Variants in OLAH observed in about 807,000 individuals in gnomAD.
The protein encoded by OLAH is S-acyl fatty acid synthase thioesterase, medium chain.
Under a neutral mutation model 27.8 loss-of-function variants are expected in OLAH, and 33 were observed. That is an observed-to-expected ratio of 1.19 (90% confidence interval 0.90 to 1.59). OLAH has a LOEUF of 1.59. Ranked by LOEUF, OLAH falls within the 40% of genes most tolerant of loss-of-function variation. OLAH has a pLI of 0.00. For missense variants in OLAH, 359 were observed against 310.8 expected, an observed-to-expected ratio of 1.16 and a Z score of -1.17; for synonymous variants, 120 against 102.9, an observed-to-expected ratio of 1.17 and a Z score of -1.01.
At chr10:15,039,912 T>G (rs976681705), upstream of OLAH, among the ~76,000 whole-genome samples, 2 of 152,190 alleles carry the variant, frequency 1.3e-5, no homozygotes, top group Non-Finnish European at 1.5e-5. Context: ...GTAGGTACCC[T>G]TTCTGCCATC....
intron 6 of OLAH, among the ~76,000 whole-genome samples, chr10:15,069,546 G>A (rs774100591): frequency 3.9e-5 from 6 of 152,052 alleles, no homozygotes; most frequent in Non-Finnish European, 7.4e-5. Context: ...AATTGTTCTC[G>A]TCAACCCCTA....
intron 1 of OLAH, among the ~76,000 whole-genome samples, chr10:15,045,523 G>A (rs547297648): frequency 1.3e-5 from 2 of 152,220 alleles, no homozygotes; most frequent in African/African-American, 4.8e-5. Flanking sequence ...AGTTGATGGT[G>A]GCTCTGGCCC....
intron 7 of OLAH, among the ~76,000 whole-genome samples, chr10:15,072,249 T>A (rs536342777): frequency 6.2e-4 from 94 of 152,300 alleles, no homozygotes; most frequent in African/African-American, 2.1e-3. Context: ...AAAATTTTTT[T>A]TTTTAATTTT....
At chr10:15,046,598 G>C (rs2131340286) in intron 1 of OLAH, among the ~76,000 whole-genome samples, 1 of 152,086 alleles carries the variant, frequency 6.6e-6, no homozygotes, top group East Asian at 1.9e-4. Flanking sequence ...CTCCCAACTA[G>C]CTGGGATTAC....
chr10:15,037,387 C>A (rs145112652), intron 1 of OLAH, among the ~76,000 whole-genome samples: 4,502 of 152,096 alleles, frequency 0.03, 86 homozygotes, highest in African/African-American at 0.042. Flanking sequence ...TTGAGACCAG[C>A]CTGGCCAACA....
In OLAH at chr10:15,073,212, T is replaced by C. The variant is rs1489253120; in HGVS notation, c.781T>C (p.Ser261Pro). The change falls in exon 8 of 8, where the codon TCG (serine) becomes CCG (proline). Residue 261 changes from serine (S) to proline (P), a missense_variant. Physicochemically the swap from Ser to Pro is moderately conservative, Grantham distance 74 (BLOSUM62 -1). Transcript: ENST00000378228. ...CATAATCAAGTGTCTAGAAGTATCA[T>C]CGATATCCAATTTTTAGATATTTTC... is the stretch of plus-strand genomic sequence containing the variant. ...NYIIKCLEVSSISNF is the reference protein window; with the variant it reads ...NYIIKCLEVSPISNF The C allele has an allele frequency of 6.3e-7, 1 of 1,587,712 alleles. No individual in the cohort carries two copies. The highest frequency in any genetic ancestry group is 1.8e-5 in the Admixed American group (1 of 56,216).
intron 6 of OLAH, among the ~76,000 whole-genome samples, chr10:15,069,340 T>C (rs1844534398): frequency 1.3e-5 from 2 of 152,184 alleles, no homozygotes; most frequent in African/African-American, 2.4e-5. Flanking sequence ...CTTATGCTTT[T>C]ATCCTCCCTG....
intron 7 of OLAH, 59 bp downstream of exon 7, chr10:15,071,936 T>A (rs556270673): frequency 4.0e-5 from 34 of 850,430 alleles, no homozygotes; most frequent in Middle Eastern, 5.8e-4. Context: ...GGCTTTAAAA[T>A]TTTTTTTTTT....
At chr10:15,071,056 T>TTATG (rs1201982351) in intron 6 of OLAH, among the ~76,000 whole-genome samples, 1 of 152,166 alleles carries the variant, frequency 6.6e-6, no homozygotes, top group Non-Finnish European at 1.5e-5. Context: ...AGTGCTGGTA[T>TTATG]TATGGTGTGA....
chr10:15,037,558 G>A (rs1404694413), intron 1 of OLAH, among the ~76,000 whole-genome samples: 2 of 150,398 alleles, frequency 1.3e-5, no homozygotes, highest in Middle Eastern at 3.5e-3. Context: ...GCCAGGCTGG[G>A]TGACAGAGCG....
chr10:15,062,043 T>A (rs1310463425), intron 4 of OLAH, 181 bp downstream of exon 4: 3 of 524,656 alleles, frequency 5.7e-6, no homozygotes, highest in Non-Finnish European at 9.6e-6. Context: ...ATACCTATTT[T>A]TTTTCCTTTT....
upstream of OLAH, among the ~76,000 whole-genome samples, chr10:15,041,140 C>G (rs1023616952): frequency 3.3e-5 from 5 of 152,352 alleles, no homozygotes; most frequent in African/African-American, 1.2e-4. Flanking sequence ...GTGCTTTTCC[C>G]ACAGGCAAAG....
chr10:15,046,428 G>A (rs1415808189), intron 1 of OLAH, among the ~76,000 whole-genome samples: 1 of 152,082 alleles, frequency 6.6e-6, no homozygotes, highest in African/African-American at 2.4e-5. Context: ...GTTTGGCACA[G>A]CAGTGAAGCC....
At chr10:15,046,325 TAAATAAATA>T (rs1844017069) in intron 1 of OLAH, among the ~76,000 whole-genome samples, 1 of 66,268 alleles carries the variant, frequency 1.5e-5, no homozygotes, top group Non-Finnish European at 3.3e-5. Flanking sequence ...CAAAAAAATA[TAAATAAATA>T]AATAAATAAA....
At chr10:15,032,703 C>T (rs1843778634) in intron 1 of OLAH, among the ~76,000 whole-genome samples, 1 of 151,782 alleles carries the variant, frequency 6.6e-6, no homozygotes, top group Admixed American at 6.6e-5. Flanking sequence ...TTAAGTTTCT[C>T]ACTAGCGGTT....
At chr10:15,036,629 A>G (rs181356991) in intron 1 of OLAH, among the ~76,000 whole-genome samples, 10 of 152,228 alleles carry the variant, frequency 6.6e-5, no homozygotes, top group Admixed American at 6.5e-4. Context: ...AGCTGGGACT[A>G]CAGGTGCATA....
chr10:15,063,446 T>C (rs573554519), intron 4 of OLAH, among the ~76,000 whole-genome samples: 1 of 152,346 alleles, frequency 6.6e-6, no homozygotes, highest in African/African-American at 2.4e-5. Context: ...AAGTTGTTGC[T>C]ATATATTTCC....
chr10:15,035,985 C>G (rs971298506), intron 1 of OLAH, among the ~76,000 whole-genome samples: 8 of 152,078 alleles, frequency 5.3e-5, no homozygotes, highest in African/African-American at 1.9e-4. Context: ...CCATGGCCTC[C>G]CAGGGGCTGA....
rs570646744 is a variant in OLAH at position 15,068,524 on chromosome 10, C to T, written c.572+2771C>T. 2.0e-5 allele frequency among the ~76,000 whole-genome samples: 3 copies of T among 152,244 alleles called. No individual in the cohort carries two copies. The South Asian group carries it at 6.2e-4, about 32-fold the overall frequency. ...TCTCCTGCCTCAGCCTCCCGAGTAGCTGGGATTACAGACACGTGCCCCCAC... is the reference window on the plus strand; with the variant it reads ...TCTCCTGCCTCAGCCTCCCGAGTAGTTGGGATTACAGACACGTGCCCCCAC... On this transcript the variant is annotated intron_variant, in intron 6 of 7. Coordinates refer to ENST00000378228, the MANE Select transcript of OLAH (RefSeq NM_001039702.3).
Sources: gnomAD v4.1 joint callset for allele counts (sites outside exome capture counted in the v4.1 genomes callset) on GRCh38, gnomAD v4.1.1 for gene constraint, MANE v1.5 for transcripts, NCBI Gene and HGNC (gene_info 2026-07-23, HGNC 2026-07-21) for gene names.